Variants in ATP8A2 observed in about 807,000 individuals in gnomAD.
ATP8A2 encodes the protein phospholipid-transporting ATPase IB.
In ATP8A2, 100 loss-of-function variants were observed where a neutral mutation model predicts 165.6. The ratio of observed to expected loss-of-function variants is 0.60; its 90% CI spans 0.51 to 0.71. ATP8A2 has a LOEUF of 0.71. Among genes scored for constraint, ATP8A2 ranks in the 30% least tolerant of loss-of-function variants. ATP8A2 has a pLI of 0.00. For missense variants in ATP8A2, 1,227 were observed against 1,479.5 expected (o/e 0.83, Z 2.80); for synonymous variants, 543 against 548.8 (o/e 0.99, Z 0.15).
At chr13:25,700,526 AT>A (rs1164346973) in intron 25 of ATP8A2, among the ~76,000 whole-genome samples, 1 of 152,082 alleles carries the variant, frequency 6.6e-6, no homozygotes, top group Non-Finnish European at 1.5e-5. Context: ...CTGTTGTTTC[AT>A]GTGTCAGTAC....
At chr13:25,695,041 C>T (rs9581427) in intron 24 of ATP8A2, among the ~76,000 whole-genome samples, 16,869 of 151,994 alleles carry the variant, frequency 0.11, 1,058 homozygotes, top group East Asian at 0.28. Context: ...ATTAATGTTT[C>T]GTCTATTGCA....
intron 2 of ATP8A2, among the ~76,000 whole-genome samples, chr13:25,500,292 T>A (rs1411739778): frequency 2.0e-5 from 3 of 152,186 alleles, no homozygotes; most frequent in Non-Finnish European, 4.4e-5. Flanking sequence ...TCAAGGGAAC[T>A]CAATTATGTT....
chr13:25,720,142 G>A (rs1203004071), intron 25 of ATP8A2, among the ~76,000 whole-genome samples: 1 of 149,344 alleles, frequency 6.7e-6, no homozygotes, highest in Non-Finnish European at 1.5e-5. Context: ...ATCTGCACAT[G>A]ACCTCCGATA....
chr13:25,548,639 G>T (rs2038725466), intron 10 of ATP8A2, among the ~76,000 whole-genome samples: 1 of 152,210 alleles, frequency 6.6e-6, no homozygotes, highest in African/African-American at 2.4e-5. Context: ...CCTTGATACA[G>T]TATTTGATTG....
intron 24 of ATP8A2, among the ~76,000 whole-genome samples, chr13:25,630,398 G>A (rs1409275266): frequency 6.6e-6 from 1 of 152,278 alleles, no homozygotes; most frequent in African/African-American, 2.4e-5. Context: ...TTGAGACTGA[G>A]CCCTTTCCCT....
chr13:25,715,077 T>G lies in ATP8A2; in HGVS notation c.2384+15732T>G, dbSNP rs572706458. ...CTCATGCCACTTATGAAGGGTGAAGTTGGCTTCATTGACAGCTAATACTGT... is the reference window on the plus strand; with the variant it reads ...CTCATGCCACTTATGAAGGGTGAAGGTGGCTTCATTGACAGCTAATACTGT... On this transcript the variant is annotated intron_variant, in intron 25 of 36. Transcript: ENST00000381655. Among the ~76,000 whole-genome samples the G allele has an allele frequency of 2.0e-5, 3 of 152,320 alleles. No homozygotes were observed. The South Asian group carries it at 6.2e-4, about 32-fold the overall frequency.
At chr13:25,631,223 G>GT (rs1384359228) in intron 24 of ATP8A2, among the ~76,000 whole-genome samples, 1 of 152,198 alleles carries the variant, frequency 6.6e-6, no homozygotes, top group African/African-American at 2.4e-5. Context: ...ACTTTCTGCA[G>GT]TGATGGTGAG....
chr13:25,860,045 A>G lies in ATP8A2; in HGVS notation c.2957-150A>G, dbSNP rs116783832. 1,227 of 479,530 alleles carry G rather than the reference A, an allele frequency of 2.6e-3. 6 individuals carry two copies. Among genetic ancestry groups the G allele is most frequent in the African/African-American group, 0.016 (796 of 51,060 alleles). 29.7% of individuals were successfully genotyped at this position (479,530 alleles called of 1,614,324 possible). A position where few individuals can be genotyped will look rare whatever the true frequency, so the allele number is the denominator to read the frequency against. On this transcript the variant is annotated intron_variant, in intron 30 of 36. Coordinates refer to ENST00000381655, the MANE Select transcript of ATP8A2 (RefSeq NM_016529.6). Reference sequence around the variant, plus strand: ...AAGATGAAAAAGTTCATCATTAGAAAGAGAAGTAAGCATTAGAGTCACAGG... The same window carrying G: ...AAGATGAAAAAGTTCATCATTAGAAGGAGAAGTAAGCATTAGAGTCACAGG...
intron 25 of ATP8A2, among the ~76,000 whole-genome samples, chr13:25,728,975 A>T (rs1300645277): frequency 6.6e-6 from 1 of 152,160 alleles, no homozygotes; most frequent in African/African-American, 2.4e-5. Context: ...TCCAGGTCCT[A>T]TTAAATGGAG....
At chr13:25,608,757 T>G (rs2040581854) in intron 24 of ATP8A2, among the ~76,000 whole-genome samples, 1 of 152,228 alleles carries the variant, frequency 6.6e-6, no homozygotes, top group South Asian at 2.1e-4. Context: ...ATTTGCATAC[T>G]TCTCAAGCAC....
chr13:25,977,674 T>TTAA (rs1476925090), intron 35 of ATP8A2, among the ~76,000 whole-genome samples: 2 of 152,210 alleles, frequency 1.3e-5, no homozygotes, highest in African/African-American at 4.8e-5. Flanking sequence ...GGACCGATGT[T>TTAA]TAATAATTAG....
intron 35 of ATP8A2, among the ~76,000 whole-genome samples, chr13:25,979,787 A>C (rs1342869671): frequency 1.3e-5 from 2 of 152,146 alleles, no homozygotes; most frequent in African/African-American, 2.4e-5. Context: ...AGGAAAATGA[A>C]CCAGAGGACA....
chr13:25,631,383 C>T (rs558762157), intron 24 of ATP8A2, among the ~76,000 whole-genome samples: 2 of 152,244 alleles, frequency 1.3e-5, no homozygotes, highest in African/African-American at 4.8e-5. Context: ...TGGAGAATAT[C>T]TTTGAAGACC....
intron 35 of ATP8A2, among the ~76,000 whole-genome samples, chr13:25,983,149 C>T (rs1376733042): frequency 1.3e-5 from 2 of 152,152 alleles, no homozygotes; most frequent in Non-Finnish European, 2.9e-5. Context: ...CTGGGATGCA[C>T]CTTCTGTGTG....
chr13:25,590,592 T>C (rs1331964020), intron 24 of ATP8A2, among the ~76,000 whole-genome samples: 1 of 152,144 alleles, frequency 6.6e-6, no homozygotes, highest in East Asian at 1.9e-4. Context: ...TGGTTTGATA[T>C]GAAAATATGA....
chr13:25,642,203 T>C (rs1221722370), intron 24 of ATP8A2, among the ~76,000 whole-genome samples: 1 of 152,232 alleles, frequency 6.6e-6, no homozygotes, highest in Non-Finnish European at 1.5e-5. Flanking sequence ...AAGGACTTCA[T>C]GTCTACAACA....
At chr13:25,494,648 A>G (rs2036621253) in intron 2 of ATP8A2, among the ~76,000 whole-genome samples, 1 of 152,214 alleles carries the variant, frequency 6.6e-6, no homozygotes, top group South Asian at 2.1e-4. Flanking sequence ...TGATATTCAC[A>G]GGGCCTTCAT....
intron 24 of ATP8A2, among the ~76,000 whole-genome samples, chr13:25,617,916 T>C (rs1393328222): frequency 1.3e-5 from 2 of 152,196 alleles, no homozygotes; most frequent in Admixed American, 6.5e-5. Context: ...CTGTAAATTA[T>C]GTGAAAGTTC....
At chr13:25,426,789 A>T (rs1047343201) in intron 1 of ATP8A2, among the ~76,000 whole-genome samples, 12 of 151,876 alleles carry the variant, frequency 7.9e-5, no homozygotes, top group African/African-American at 2.9e-4. Context: ...CCAAAAATAT[A>T]AAAAAAATTA....
Sources: allele counts gnomAD v4.1 joint callset (sites outside exome capture counted in the v4.1 genomes callset), GRCh38; gene constraint gnomAD v4.1.1; transcripts MANE v1.5; gene names NCBI Gene and HGNC (gene_info 2026-07-23, HGNC 2026-07-21).